The following RBFOX1 variants were observed in gnomAD, a reference collection of about 807,000 sequenced individuals.
RBFOX1 encodes the protein RNA binding fox-1 homolog 1.
In RBFOX1, 8 loss-of-function variants were observed where a neutral mutation model predicts 57.7. That is an observed-to-expected ratio of 0.14 (90% CI 0.08 to 0.25). The LOEUF (loss-of-function observed/expected upper bound fraction) is 0.25, where lower values mean the gene tolerates loss of function less well. RBFOX1 is among the 10% of genes least tolerant of loss of function. The probability of loss-of-function intolerance (pLI) is 1.00; values close to 1 mark genes in which losing one functional copy is unlikely to be tolerated. For missense variants in RBFOX1, 611 were observed against 548.5 expected, an observed-to-expected ratio of 1.11 and a Z score of -1.14; for synonymous variants, 326 against 222.4, an observed-to-expected ratio of 1.47 and a Z score of -4.15.
chr16:5,634,887 G>A (rs1161698195), intron 3 of RBFOX1, among the ~76,000 whole-genome samples: 1 of 152,164 alleles, frequency 6.6e-6, no homozygotes, highest in Admixed American at 6.5e-5. Flanking sequence ...TTACTCACAA[G>A]TGTTTATATG....
At position 6,957,549 on chromosome 16, in the gene RBFOX1, G is replaced by C. The variant is rs139659855; in HGVS notation, c.-15-94508G>C. On this transcript the variant is annotated intron_variant, in intron 3 of 15. Transcript: ENST00000550418. ...GGGAGTGTAGCAGTGGGGACGATCA[G>C]AGGTGACTCTCATCACCATCTTGGT... is the stretch of plus-strand genomic sequence containing the variant. Among the ~76,000 whole-genome samples, 132 of 152,218 alleles carry C rather than the reference G, an allele frequency of 8.7e-4. 3 individuals carry two copies. In the East Asian group the frequency reaches 0.024, roughly 27 times the overall value.
At chr16:7,336,142 G>C (rs572007566) in intron 4 of RBFOX1, among the ~76,000 whole-genome samples, 1 of 152,164 alleles carries the variant, frequency 6.6e-6, no homozygotes, top group Non-Finnish European at 1.5e-5. Flanking sequence ...GGTAACACAG[G>C]AGCCTCAGTC....
chr16:5,797,323 T>C (rs548653704), intron 3 of RBFOX1, among the ~76,000 whole-genome samples: 1 of 152,128 alleles, frequency 6.6e-6, no homozygotes, highest in Admixed American at 6.5e-5. Flanking sequence ...TTAGCCTAAG[T>C]GTGTGTCCAC....
chr16:7,440,516 G>T (rs67258102), intron 4 of RBFOX1, among the ~76,000 whole-genome samples: 43,920 of 151,968 alleles, frequency 0.29, 7,786 homozygotes, highest in Middle Eastern at 0.46. Flanking sequence ...AGCATTAGGC[G>T]GCATTTGAGC....
chr16:5,554,593 C>G (rs1483219885), intron 2 of RBFOX1, among the ~76,000 whole-genome samples: 1 of 152,032 alleles, frequency 6.6e-6, no homozygotes, highest in Non-Finnish European at 1.5e-5. Flanking sequence ...GTTTTGCATT[C>G]AATGTCCATC....
chr16:6,902,337 A>C (rs2068695925), intron 3 of RBFOX1, among the ~76,000 whole-genome samples: 1 of 152,110 alleles, frequency 6.6e-6, no homozygotes. Flanking sequence ...TCATGGCAAA[A>C]CTCTGTTAGT....
chr16:7,677,160 C>CACACACACACA (rs1555762483), intron 14 of RBFOX1, among the ~76,000 whole-genome samples: 3 of 151,326 alleles, frequency 2.0e-5, no homozygotes, highest in African/African-American at 4.8e-5. Flanking sequence ...CACACACACA[C>CACACACACACA]CGTACAACCT....
At chr16:5,252,983 G>T (rs1194711966) in intron 1 of RBFOX1, among the ~76,000 whole-genome samples, 1 of 152,124 alleles carries the variant, frequency 6.6e-6, no homozygotes, top group Non-Finnish European at 1.5e-5. Flanking sequence ...AATTGTCTTG[G>T]ATCCACCGCC....
intron 1 of RBFOX1, among the ~76,000 whole-genome samples, chr16:6,293,245 A>T (rs2077659316): frequency 6.6e-6 from 1 of 152,170 alleles, no homozygotes; most frequent in Non-Finnish European, 1.5e-5. Context: ...TCACAGAGCT[A>T]AGAAATATTG....
chr16:7,365,456 C>G (rs550043929), intron 4 of RBFOX1, among the ~76,000 whole-genome samples: 4 of 152,178 alleles, frequency 2.6e-5, no homozygotes, highest in African/African-American at 7.2e-5. Flanking sequence ...AAAATTCTTT[C>G]AGTGAGTGAT....
intron 3 of RBFOX1, among the ~76,000 whole-genome samples, chr16:6,927,891 C>T (rs139162950): frequency 3.7e-4 from 56 of 152,298 alleles, no homozygotes; most frequent in African/African-American, 1.2e-3. Context: ...TAATAGCATA[C>T]GCTAAACATC....
At chr16:5,609,804 G>A (rs2047710084) in intron 3 of RBFOX1, among the ~76,000 whole-genome samples, 1 of 151,274 alleles carries the variant, frequency 6.6e-6, no homozygotes, top group Non-Finnish European at 1.5e-5. Context: ...CCTACTTTGT[G>A]CAGAGCACTG....
At chr16:7,020,558 A>T (rs2038702485) in intron 3 of RBFOX1, among the ~76,000 whole-genome samples, 1 of 152,052 alleles carries the variant, frequency 6.6e-6, no homozygotes, top group South Asian at 2.1e-4. Flanking sequence ...TATGAAAATT[A>T]AATAAAATAA....
At chr16:5,679,899 G>A (rs2050278396) in intron 3 of RBFOX1, among the ~76,000 whole-genome samples, 1 of 152,094 alleles carries the variant, frequency 6.6e-6, no homozygotes. Flanking sequence ...GTTTAGTCTG[G>A]TGCCTAGTGT....
chr16:7,029,974 G>C lies in RBFOX1; in HGVS notation c.-15-22083G>C, dbSNP rs1347188357. Among the ~76,000 whole-genome samples, 7 of 152,202 alleles carry C rather than the reference G, an allele frequency of 4.6e-5. No homozygotes were observed. The East Asian group carries it at 1.4e-3, about 29-fold the overall frequency. ...ATGATGTGTGAATTCCAGCAAGACA[G>C]TCAACAAGGACACACTTTTCGGTCA... is the stretch of plus-strand genomic sequence containing the variant. On this transcript the variant is annotated intron_variant, in intron 3 of 15. Coordinates refer to ENST00000550418, the MANE Select transcript of RBFOX1 (RefSeq NM_018723.4).
intron 3 of RBFOX1, among the ~76,000 whole-genome samples, chr16:7,023,596 T>TAAAAAAAAAAAAAAAAAAA (rs2039983932): frequency 1.1e-5 from 1 of 91,058 alleles, no homozygotes; most frequent in Non-Finnish European, 2.0e-5. Context: ...AAAAAAAAAT[T>TAAAAAAAAAAAAAAAAAAA]AGCTTGCCAT....
intron 4 of RBFOX1, among the ~76,000 whole-genome samples, chr16:7,197,657 A>G (rs2087078428): frequency 6.6e-6 from 1 of 152,206 alleles, no homozygotes. Flanking sequence ...CACAATAGCT[A>G]AAAGGTGGAA....
intron 3 of RBFOX1, among the ~76,000 whole-genome samples, chr16:5,793,312 C>T (rs573191210): frequency 3.8e-4 from 58 of 152,362 alleles, no homozygotes; most frequent in African/African-American, 1.3e-3. Context: ...TCAGCTTAAC[C>T]GTGTTTGTTT....
intron 3 of RBFOX1, among the ~76,000 whole-genome samples, chr16:6,941,380 A>G (rs1412350676): frequency 1.4e-5 from 2 of 142,936 alleles, no homozygotes; most frequent in South Asian, 2.2e-4. Flanking sequence ...CAGCAAGTAG[A>G]TTAGCCGTGT....
Sources: allele counts gnomAD v4.1 joint callset (sites outside exome capture counted in the v4.1 genomes callset), GRCh38; gene constraint gnomAD v4.1.1; transcripts MANE v1.5; gene names NCBI Gene and HGNC (gene_info 2026-07-23, HGNC 2026-07-21).